Variants in RAPGEF2 observed in about 807,000 individuals in gnomAD.
RAPGEF2 encodes the protein PDZ domain containing guanine nucleotide exchange factor (GEF) 1.
In RAPGEF2, 54 loss-of-function variants were observed where a neutral mutation model predicts 186.7. The observed-to-expected ratio is 0.29, with a 90% CI of 0.23 to 0.36. The LOEUF (loss-of-function observed/expected upper bound fraction) is 0.36, where lower values mean the gene tolerates loss of function less well. Among genes scored for constraint, RAPGEF2 ranks in the 10% least tolerant of loss-of-function variants. The probability of loss-of-function intolerance (pLI) is 1.00; values close to 1 mark genes in which losing one functional copy is unlikely to be tolerated. For missense variants in RAPGEF2, 1,532 were observed against 2,045.0 expected (o/e 0.75, Z 4.84); for synonymous variants, 712 against 705.9 (o/e 1.01, Z -0.14).
chr4:159,294,244 A>G (rs1315439357), intron 7 of RAPGEF2, among the ~76,000 whole-genome samples: 1 of 152,188 alleles, frequency 6.6e-6, no homozygotes, highest in Non-Finnish European at 1.5e-5. Context: ...TCCCATAGGA[A>G]TCTTTTTTCT....
intron 7 of RAPGEF2, among the ~76,000 whole-genome samples, chr4:159,287,440 T>G (rs924959294): frequency 3.3e-5 from 5 of 152,100 alleles, no homozygotes; most frequent in African/African-American, 1.2e-4. Context: ...TTAATATGGA[T>G]TATTTTGAAG....
At chr4:159,284,181 AGTT>A (rs1351763667) in intron 7 of RAPGEF2, among the ~76,000 whole-genome samples, 2 of 152,252 alleles carry the variant, frequency 1.3e-5, no homozygotes, top group South Asian at 2.1e-4. Context: ...CCAGAATAAC[AGTT>A]GTTTTTTTAG....
At chr4:159,193,434 C>T (rs1481442368) in intron 3 of RAPGEF2, among the ~76,000 whole-genome samples, 178 bp downstream of exon 3, 6 of 152,114 alleles carry the variant, frequency 3.9e-5, no homozygotes, top group African/African-American at 9.7e-5. Context: ...CAGTTCTTTC[C>T]TGATAAGTTC....
intron 1 of RAPGEF2, among the ~76,000 whole-genome samples, chr4:159,122,992 G>C (rs1452790929): frequency 6.6e-6 from 1 of 151,816 alleles, no homozygotes; most frequent in Non-Finnish European, 1.5e-5. Flanking sequence ...ACAAATTTAA[G>C]ATACTGATAC....
intron 3 of RAPGEF2, 26 bp from the exon 4 acceptor site, chr4:159,210,474 C>G: frequency 6.9e-7 from 1 of 1,450,666 alleles, no homozygotes; most frequent in Non-Finnish European, 9.3e-7. Flanking sequence ...AGGTAACAAT[C>G]TGATTCTGTT....
At chr4:159,198,271 CTTCT>C (rs201152378) in intron 3 of RAPGEF2, among the ~76,000 whole-genome samples, 3,907 of 104,264 alleles carry the variant, frequency 0.037, 116 homozygotes, top group Non-Finnish European at 0.042. Flanking sequence ...TCTTTCTTTC[CTTCT>C]TTCTTTCTTT....
chr4:159,171,073 T>G (rs890436361), intron 1 of RAPGEF2, among the ~76,000 whole-genome samples: 1 of 152,208 alleles, frequency 6.6e-6, no homozygotes, highest in African/African-American at 2.4e-5. Flanking sequence ...AGTGGTCTAC[T>G]ATTAGAGTGT....
At chr4:159,137,481 C>G (rs1292200245) in intron 1 of RAPGEF2, among the ~76,000 whole-genome samples, 1 of 152,128 alleles carries the variant, frequency 6.6e-6, no homozygotes, top group African/African-American at 2.4e-5. Context: ...TGATTACCTC[C>G]CAGAGGCCTC....
intron 4 of RAPGEF2, among the ~76,000 whole-genome samples, chr4:159,232,063 A>G (rs1186058532): frequency 6.6e-6 from 1 of 152,188 alleles, no homozygotes; most frequent in Non-Finnish European, 1.5e-5. Flanking sequence ...TTTGCCAGTA[A>G]ACCCAGATAT....
At chr4:159,169,363 G>A (rs896568877) in intron 1 of RAPGEF2, among the ~76,000 whole-genome samples, 8 of 152,112 alleles carry the variant, frequency 5.3e-5, no homozygotes, top group South Asian at 2.1e-4. Flanking sequence ...GGTGTACAAC[G>A]TGATTTGAAA....
intron 7 of RAPGEF2, among the ~76,000 whole-genome samples, chr4:159,260,418 A>ATT (rs1328556734): frequency 6.6e-6 from 1 of 151,998 alleles, no homozygotes; most frequent in African/African-American, 2.4e-5. Context: ...CCGTTAATGT[A>ATT]GTGTTTTTTT....
chr4:159,332,309 G>GAT lies in RAPGEF2; in HGVS notation c.1889-140_1889-139dup, dbSNP rs1766796487. 3 of 865,744 alleles carry GAT rather than the reference G, an allele frequency of 3.5e-6. No individual in the cohort carries two copies. The Admixed American group carries it at 8.2e-5, about 24-fold the overall frequency. 53.6% of individuals were successfully genotyped at this position (865,744 alleles called of 1,614,324 possible). A position where few individuals can be genotyped will look rare whatever the true frequency, so the allele number is the denominator to read the frequency against. On this transcript the variant is annotated intron_variant, in intron 16 of 29. Coordinates refer to ENST00000691494, the MANE Select transcript of RAPGEF2 (RefSeq NM_001394067.2). ...ATTTGGCGTGATTCGTTTACTGTGT[G>GAT]ATACTGTTTTTCTGCAGGTTTGCAG... is the stretch of plus-strand genomic sequence containing the variant.
At chr4:159,322,911 A>G (rs989156229) in intron 10 of RAPGEF2, among the ~76,000 whole-genome samples, 4 of 152,224 alleles carry the variant, frequency 2.6e-5, no homozygotes, top group Non-Finnish European at 5.9e-5. Context: ...ATCTGCCACC[A>G]GATCCTTCCC....
chr4:159,128,823 A>G (rs987988679), intron 1 of RAPGEF2: 6 of 147,510 alleles, frequency 4.1e-5, no homozygotes, highest in Non-Finnish European at 9.1e-5. Context: ...AAGAGTGGCA[A>G]AGTCTTTCCA....
At chr4:159,197,117 A>G (rs1748729146) in intron 3 of RAPGEF2, among the ~76,000 whole-genome samples, 1 of 152,198 alleles carries the variant, frequency 6.6e-6, no homozygotes, top group South Asian at 2.1e-4. Context: ...ACCTTAACTT[A>G]TATTTGTTTT....
intron 7 of RAPGEF2, among the ~76,000 whole-genome samples, chr4:159,244,296 A>G (rs554422716): frequency 6.6e-6 from 1 of 152,028 alleles, no homozygotes; most frequent in East Asian, 1.9e-4. Context: ...AGGTTGGTCA[A>G]AAAGGAAACA....
chr4:159,190,861 A>C (rs115622914), intron 2 of RAPGEF2, among the ~76,000 whole-genome samples: 8,352 of 152,314 alleles, frequency 0.055, 319 homozygotes, highest in Middle Eastern at 0.092. Context: ...ACTGCAATTC[A>C]AGATAAGATT....
At chr4:159,254,101 A>G (rs1003097393) in intron 7 of RAPGEF2, among the ~76,000 whole-genome samples, 2 of 152,260 alleles carry the variant, frequency 1.3e-5, no homozygotes, top group Non-Finnish European at 2.9e-5. Context: ...AAGGACGTAT[A>G]CTAATGGGTG....
chr4:159,213,854 A>G (rs1460283659), intron 4 of RAPGEF2, among the ~76,000 whole-genome samples: 2 of 152,106 alleles, frequency 1.3e-5, no homozygotes, highest in African/African-American at 2.4e-5. Flanking sequence ...GTGATTATGA[A>G]TGTTGTTTTT....
Sources: gnomAD v4.1 joint callset for allele counts (sites outside exome capture counted in the v4.1 genomes callset) on GRCh38, gnomAD v4.1.1 for gene constraint, MANE v1.5 for transcripts, NCBI Gene and HGNC (gene_info 2026-07-23, HGNC 2026-07-21) for gene names.